The following SLC24A3 variants were observed in gnomAD, a reference collection of about 807,000 sequenced individuals.
The protein encoded by SLC24A3 is solute carrier family 24 member 3.
A neutral mutation model predicts 75.8 loss-of-function variants in SLC24A3; 28 were observed. That is an observed-to-expected ratio of 0.37 (90% confidence interval 0.27 to 0.51). The LOEUF (loss-of-function observed/expected upper bound fraction) is 0.51, where lower values mean the gene tolerates loss of function less well. Among genes scored for constraint, SLC24A3 ranks in the 20% least tolerant of loss-of-function variants. SLC24A3 has a pLI of 0.94. For missense variants in SLC24A3, 663 were observed against 847.8 expected (o/e 0.78, Z 2.71); for synonymous variants, 372 against 334.1 (o/e 1.11, Z -1.24).
At chr20:19,687,895 C>T (rs2032696357) in intron 12 of SLC24A3, among the ~76,000 whole-genome samples, 1 of 152,170 alleles carries the variant, frequency 6.6e-6, no homozygotes, top group Non-Finnish European at 1.5e-5. Flanking sequence ...CCAGCCACAC[C>T]TTCTGGGCTC....
intron 1 of SLC24A3, among the ~76,000 whole-genome samples, chr20:19,222,451 T>C (rs924695488): frequency 1.3e-5 from 2 of 152,172 alleles, no homozygotes; most frequent in African/African-American, 2.4e-5. Flanking sequence ...GGCTATTTTA[T>C]TGGGCAATGC....
chr20:19,550,362 T>A (rs1035881466), intron 3 of SLC24A3, among the ~76,000 whole-genome samples: 1 of 152,192 alleles, frequency 6.6e-6, no homozygotes, highest in Non-Finnish European at 1.5e-5. Context: ...CATAGTATCA[T>A]TGAGCTAAAA....
chr20:19,596,631 C>G (rs1017851163), intron 6 of SLC24A3, among the ~76,000 whole-genome samples: 4 of 152,206 alleles, frequency 2.6e-5, no homozygotes, highest in African/African-American at 7.2e-5. Context: ...AACCCTCTTA[C>G]AGTCACAGCT....
At chr20:19,388,711 A>T (rs915659650) in intron 2 of SLC24A3, among the ~76,000 whole-genome samples, 4 of 152,118 alleles carry the variant, frequency 2.6e-5, no homozygotes, top group Non-Finnish European at 5.9e-5. Flanking sequence ...GCTTGTTTTT[A>T]GTTCCTATTT....
intron 2 of SLC24A3, among the ~76,000 whole-genome samples, chr20:19,397,147 T>C (rs567156214): frequency 1.3e-5 from 2 of 152,376 alleles, no homozygotes; most frequent in African/African-American, 4.8e-5. Flanking sequence ...TCAGTCTCAA[T>C]GTAAACATAT....
chr20:19,215,375 G>T (rs1409476684), intron 1 of SLC24A3, among the ~76,000 whole-genome samples: 1 of 152,076 alleles, frequency 6.6e-6, no homozygotes, highest in Non-Finnish European at 1.5e-5. Flanking sequence ...AGGTAACCTG[G>T]TTTTTTGTTC....
chr20:19,489,716 T>C (rs1988178969), intron 2 of SLC24A3, among the ~76,000 whole-genome samples: 1 of 152,118 alleles, frequency 6.6e-6, no homozygotes, highest in Non-Finnish European at 1.5e-5. Flanking sequence ...GCCCTGAGGA[T>C]CTGTGGGTCC....
chr20:19,379,675 T>C (rs922214777), intron 2 of SLC24A3, among the ~76,000 whole-genome samples: 3 of 152,166 alleles, frequency 2.0e-5, no homozygotes, highest in East Asian at 1.9e-4. Context: ...CATAATAGTA[T>C]AAAAAATGAT....
rs1286971363 is a variant in SLC24A3 at position 19,579,810 on chromosome 20, AG to A, written c.349-188del. 2.6e-5 allele frequency among the ~76,000 whole-genome samples: 4 copies of A among 152,314 alleles called. No homozygotes were observed. In the East Asian group the frequency reaches 7.7e-4, roughly 29 times the overall value. On this transcript the variant is annotated intron_variant, in intron 3 of 16. Coordinates refer to ENST00000328041, the MANE Select transcript of SLC24A3 (RefSeq NM_020689.4). ...GGGAAGTGGGCAAAAGGAGAGTGAC[AG>A]GTGATAACATCAGAGAGAAAGCTGG...
chr20:19,661,005 T>C (rs2032320386), intron 7 of SLC24A3, among the ~76,000 whole-genome samples: 1 of 152,188 alleles, frequency 6.6e-6, no homozygotes, highest in African/African-American at 2.4e-5. Context: ...GGTTACACTC[T>C]CATTTGCTGC....
chr20:19,411,768 G>A (rs778653841), intron 2 of SLC24A3, among the ~76,000 whole-genome samples: 1 of 152,192 alleles, frequency 6.6e-6, no homozygotes, highest in Non-Finnish European at 1.5e-5. Context: ...TTTCACTTGA[G>A]CAACCTCTGA....
chr20:19,379,909 A>C (rs1178059609), intron 2 of SLC24A3, among the ~76,000 whole-genome samples: 5 of 152,234 alleles, frequency 3.3e-5, no homozygotes, highest in African/African-American at 1.2e-4. Context: ...TGACCCAGAC[A>C]TAGGCTGGCT....
At position 19,410,070 on chromosome 20, in the gene SLC24A3, A is replaced by T. The variant is rs184084248; in HGVS notation, c.272-105418A>T. Among the ~76,000 whole-genome samples, 116 of 152,302 alleles carry T rather than the reference A, an allele frequency of 7.6e-4. 1 individual carries two copies. Among genetic ancestry groups the T allele is most frequent in the African/African-American group, 2.7e-3 (114 of 41,574 alleles). Reference sequence around the variant, plus strand: ...GAATGCCAGAATTCAGACGAAATTCATCGCACAGTTATTCAATTACAGAAC... The same window carrying T: ...GAATGCCAGAATTCAGACGAAATTCTTCGCACAGTTATTCAATTACAGAAC... On this transcript the variant is annotated intron_variant, in intron 2 of 16. Transcript: ENST00000328041.
At chr20:19,233,056 A>G (rs1440974612) in intron 1 of SLC24A3, among the ~76,000 whole-genome samples, 2 of 152,232 alleles carry the variant, frequency 1.3e-5, no homozygotes, top group Non-Finnish European at 2.9e-5. Context: ...TTAAACAGAT[A>G]TCTTGTTTTT....
At chr20:19,659,565 C>G (rs1005643681) in intron 7 of SLC24A3, among the ~76,000 whole-genome samples, 2 of 152,210 alleles carry the variant, frequency 1.3e-5, no homozygotes, top group African/African-American at 2.4e-5. Context: ...TGTGTTGGGT[C>G]TACTGATAAT....
chr20:19,489,699 C>T (rs1370491453), intron 2 of SLC24A3, among the ~76,000 whole-genome samples: 4 of 152,126 alleles, frequency 2.6e-5, no homozygotes, highest in Non-Finnish European at 5.9e-5. Flanking sequence ...TTGAGAGCTT[C>T]CTAGTGGCCC....
At position 19,722,918 on chromosome 20, in the gene SLC24A3, A is replaced by G. The variant is rs1401737931; in HGVS notation, c.*1778A>G. 6.6e-6 allele frequency: 1 copy of G among 152,650 alleles called. No homozygotes were observed. Among genetic ancestry groups the G allele is most frequent in the Non-Finnish European group, 1.5e-5 (1 of 68,042 alleles). The allele number at this position is 152,650 out of a possible 1,614,324, so 9.5% of individuals were successfully genotyped here. A position where few individuals can be genotyped will look rare whatever the true frequency, so the allele number is the denominator to read the frequency against. On this transcript the variant is annotated 3_prime_UTR_variant, in exon 17 of 17. Transcript: ENST00000328041. ...CTCTATCCTTCCCAGAGCAGAGTGC[A>G]TTACTTTCTCCCCTGGAAAGCTGTG...
chr20:19,291,321 C>T (rs188552770), intron 2 of SLC24A3, among the ~76,000 whole-genome samples: 85 of 152,298 alleles, frequency 5.6e-4, no homozygotes, highest in Non-Finnish European at 1.1e-3. Context: ...GCTCCATGAA[C>T]AATGGGGGTG....
chr20:19,340,660 G>A (rs1269804982), intron 2 of SLC24A3, among the ~76,000 whole-genome samples: 2 of 152,164 alleles, frequency 1.3e-5, no homozygotes, highest in African/African-American at 4.8e-5. Flanking sequence ...GCATTCCCAG[G>A]TCCTCCAACA....
Sources: allele counts gnomAD v4.1 joint callset (sites outside exome capture counted in the v4.1 genomes callset), GRCh38; gene constraint gnomAD v4.1.1; transcripts MANE v1.5; gene names NCBI Gene and HGNC (gene_info 2026-07-23, HGNC 2026-07-21).